Variants in SYCP2L observed in about 807,000 individuals in gnomAD.
SYCP2L encodes synaptonemal complex protein 2-like.
In SYCP2L, 98 loss-of-function variants were observed where a neutral mutation model predicts 125.8. The observed-to-expected ratio is 0.78, with a 90% confidence interval of 0.66 to 0.92. The LOEUF (loss-of-function observed/expected upper bound fraction) is 0.92, where lower values mean the gene tolerates loss of function less well. SYCP2L is among the 40% of genes least tolerant of loss of function. The probability of loss-of-function intolerance (pLI) is 0.00; values close to 1 mark genes in which losing one functional copy is unlikely to be tolerated. For synonymous variants in SYCP2L, 317 were observed against 325.4 expected (o/e 0.97, Z 0.28); for missense variants, 842 against 936.4 (o/e 0.90, Z 1.32).
intron 14 of SYCP2L, among the ~76,000 whole-genome samples, chr6:10,923,694 T>C (rs1780844736): frequency 6.9e-6 from 1 of 144,562 alleles, no homozygotes; most frequent in Non-Finnish European, 1.5e-5. Context: ...TTTTTTTTTT[T>C]TTTTCTTGAG....
At position 10,942,547 on chromosome 6, in the gene SYCP2L, G is replaced by T; in HGVS notation, c.1884+18G>T. On this transcript the variant is annotated intron_variant, in intron 22 of 29. Coordinates refer to ENST00000283141, the MANE Select transcript of SYCP2L (RefSeq NM_001040274.3). Reference sequence around the variant, plus strand: ...AACCTAAGGTACTATTTAATTGTTGGTTATTCATCTGATTTTCCAGAATTA... The same window carrying T: ...AACCTAAGGTACTATTTAATTGTTGTTTATTCATCTGATTTTCCAGAATTA... 1 of 1,596,390 alleles carries T rather than the reference G, an allele frequency of 6.3e-7. No homozygotes were observed. The highest frequency in any genetic ancestry group is 1.1e-5 in the South Asian group (1 of 88,166).
chr6:10,914,608 C>CACCAT, intron 14 of SYCP2L, among the ~76,000 whole-genome samples: 1 of 151,250 alleles, frequency 6.6e-6, no homozygotes, highest in African/African-American at 2.4e-5. Context: ...TGATCATTTT[C>CACCAT]ATTGATTTTA....
chr6:10,943,460 C>A (rs544821173), intron 23 of SYCP2L, among the ~76,000 whole-genome samples: 1 of 151,932 alleles, frequency 6.6e-6, no homozygotes, highest in Non-Finnish European at 1.5e-5. Flanking sequence ...CCCATCCCAC[C>A]CCCTCCCCTT....
chr6:10,933,563 TAGACCACACTTCG>T (rs1781036706), intron 20 of SYCP2L, among the ~76,000 whole-genome samples: 1 of 152,318 alleles, frequency 6.6e-6, no homozygotes, highest in South Asian at 2.1e-4. Context: ...TGTGCCAGTC[TAGACCACACTTCG>T]AGACCACACT....
intron 21 of SYCP2L, among the ~76,000 whole-genome samples, chr6:10,941,786 C>T (rs1287451964): frequency 1.6e-4 from 24 of 152,160 alleles, no homozygotes; most frequent in Admixed American, 1.6e-3. Flanking sequence ...CCATTTGACC[C>T]AGCCATCCCA....
chr6:10,967,454 GGTGTGTGTGTGT>G (rs3066151), intron 29 of SYCP2L, among the ~76,000 whole-genome samples: 56 of 138,916 alleles, frequency 4.0e-4, no homozygotes, highest in African/African-American at 1.4e-3. Flanking sequence ...TGGGGTAGAG[GGTGTGTGTGTGT>G]GTGTGTGTGT....
At chr6:10,942,816 G>A in intron 23 of SYCP2L, 70 bp downstream of exon 23, 3 of 1,392,528 alleles carry the variant, frequency 2.2e-6, no homozygotes, top group Non-Finnish European at 2.9e-6. Flanking sequence ...TGGCAGACTG[G>A]GCTGTTACTC....
Position 10,887,135 on chromosome 6 carries a change from G to A in SYCP2L, c.9G>A (p.Ala3=). Residue 3 remains alanine (A), a splice_region_variant and synonymous_variant, in exon 1 of 30, where the codon GCG becomes GCA. Transcript: ENST00000283141. MQ[A]KNKDALQPIK... is the part of the protein sequence containing the mutation. ...AACGAAGAAGCCTCGTTATGCAAGC[G>A]GTGAGTGACCCCCGAAGGGCCCGGA... 6.2e-7 allele frequency: 1 copy of A among 1,614,134 alleles called. No homozygotes were observed. The highest frequency in any genetic ancestry group is 1.1e-5 in the South Asian group (1 of 91,084).
intron 12 of SYCP2L, among the ~76,000 whole-genome samples, chr6:10,911,234 C>T (rs953280608): frequency 6.6e-6 from 1 of 152,110 alleles, no homozygotes; most frequent in Non-Finnish European, 1.5e-5. Flanking sequence ...GGTTTATGCC[C>T]TGTCCTCTTA....
At chr6:10,907,804 A>G (rs1053499960) in intron 10 of SYCP2L, 120 bp downstream of exon 10, 2 of 904,996 alleles carry the variant, frequency 2.2e-6, no homozygotes. Flanking sequence ...TTACACTGCC[A>G]TTCTTGAACT....
intron 29 of SYCP2L, among the ~76,000 whole-genome samples, chr6:10,967,506 A>C (rs1302748763): frequency 1.7e-5 from 2 of 120,440 alleles, no homozygotes; most frequent in Non-Finnish European, 3.6e-5. Flanking sequence ...TATTGAGGAG[A>C]AAAAAAGAAA....
chr6:10,931,576 T>TAAAAAAAA, intron 20 of SYCP2L, 87 bp downstream of exon 20: 1 of 1,320,774 alleles, frequency 7.6e-7, no homozygotes, highest in Non-Finnish European at 1.1e-6. Flanking sequence ...AATATAAAAA[T>TAAAAAAAA]AACAAAATAT....
intron 10 of SYCP2L, 44 bp downstream of exon 10, chr6:10,907,728 T>A (rs781606231): frequency 6.3e-7 from 1 of 1,598,684 alleles, no homozygotes. Flanking sequence ...CCAATATTTA[T>A]TAAGCATCCG....
intron 23 of SYCP2L, among the ~76,000 whole-genome samples, chr6:10,952,495 G>A (rs1781428671): frequency 6.6e-6 from 1 of 151,846 alleles, no homozygotes; most frequent in African/African-American, 2.4e-5. Flanking sequence ...TGTGCTGACA[G>A]ATGCCTTGCT....
intron 14 of SYCP2L, among the ~76,000 whole-genome samples, chr6:10,917,779 G>T (rs1335654519): frequency 6.6e-6 from 1 of 152,124 alleles, no homozygotes; most frequent in African/African-American, 2.4e-5. Flanking sequence ...GTTCTGTTTT[G>T]ATGTGTTTCC....
At chr6:10,907,892 G>GTTTTTTTGTTTTTTTTTT (rs1780526784) in intron 10 of SYCP2L, among the ~76,000 whole-genome samples, 2 of 91,922 alleles carry the variant, frequency 2.2e-5, no homozygotes, top group Non-Finnish European at 4.0e-5. Context: ...ATACAGATAG[G>GTTTTTTTGTTTTTTTTTT]TTTTTTTTTT....
In SYCP2L at chr6:10,903,983, C is replaced by T. The variant is rs553053136; in HGVS notation, c.641+1020C>T. On this transcript the variant is annotated intron_variant, in intron 8 of 29. Transcript: ENST00000283141. ...CAAATCCTAGTTTTGCCACTTTTGCCAGCTGTCTATGAGCACAGCTCTAAC... is the reference window on the plus strand; with the variant it reads ...CAAATCCTAGTTTTGCCACTTTTGCTAGCTGTCTATGAGCACAGCTCTAAC... Among the ~76,000 whole-genome samples the T allele has an allele frequency of 2.1e-4, 32 of 152,260 alleles. No individual in the cohort carries two copies. The South Asian group carries it at 6.2e-3, about 30-fold the overall frequency.
intron 20 of SYCP2L, among the ~76,000 whole-genome samples, chr6:10,933,965 G>A (rs1043094553): frequency 2.6e-5 from 4 of 152,044 alleles, no homozygotes; most frequent in Non-Finnish European, 4.4e-5. Flanking sequence ...TTGAATCATT[G>A]ATCATTTAGG....
intron 20 of SYCP2L, among the ~76,000 whole-genome samples, chr6:10,933,580 C>T (rs2327323): frequency 6.6e-6 from 1 of 152,094 alleles, no homozygotes; most frequent in African/African-American, 2.4e-5. Context: ...CACTTCGAGA[C>T]CACACTTCGA....
Sources: gnomAD v4.1 joint callset for allele counts (sites outside exome capture counted in the v4.1 genomes callset) on GRCh38, gnomAD v4.1.1 for gene constraint, MANE v1.5 for transcripts, NCBI Gene and HGNC (gene_info 2026-07-23, HGNC 2026-07-21) for gene names.